CNTNAP2: variants seen among roughly 807,000 people sequenced by gnomAD.
CNTNAP2 encodes contactin-associated protein-like 2.
A neutral mutation model predicts 155.2 loss-of-function variants in CNTNAP2; 98 were observed. The ratio of observed to expected loss-of-function variants is 0.63; its 90% CI spans 0.54 to 0.75. CNTNAP2 has a LOEUF of 0.75. Ranked by LOEUF, CNTNAP2 falls within the 30% of genes least tolerant of loss-of-function variation. The pLI is 0.00. For missense variants in CNTNAP2, 1,727 were observed against 1,688.1 expected, an observed-to-expected ratio of 1.02 and a Z score of -0.40; for synonymous variants, 651 against 631.2, an observed-to-expected ratio of 1.03 and a Z score of -0.47.
At chr7:148,372,179 G>A (rs1212536299) in intron 21 of CNTNAP2, among the ~76,000 whole-genome samples, 2 of 151,622 alleles carry the variant, frequency 1.3e-5, no homozygotes, top group African/African-American at 4.9e-5. Flanking sequence ...TCCAGCCTGG[G>A]GACAGAACAA....
At chr7:147,943,370 AC>A (rs1265363907) in intron 14 of CNTNAP2, among the ~76,000 whole-genome samples, 1 of 152,188 alleles carries the variant, frequency 6.6e-6, no homozygotes, top group Non-Finnish European at 1.5e-5. Flanking sequence ...TTGAATTTAA[AC>A]CAACAATTTT....
chr7:148,078,139 C>T (rs1484968632), intron 15 of CNTNAP2, among the ~76,000 whole-genome samples: 1 of 152,092 alleles, frequency 6.6e-6, no homozygotes, highest in Non-Finnish European at 1.5e-5. Context: ...TCTCAGCTCA[C>T]TGCAACCTCC....
chr7:147,881,677 T>C (rs1799523032), intron 13 of CNTNAP2, among the ~76,000 whole-genome samples: 1 of 152,082 alleles, frequency 6.6e-6, no homozygotes, highest in Non-Finnish European at 1.5e-5. Context: ...TATCTATACA[T>C]AAAGAAAAAG....
intron 16 of CNTNAP2, among the ~76,000 whole-genome samples, chr7:148,131,547 A>G: frequency 6.6e-6 from 1 of 152,246 alleles, no homozygotes; most frequent in Admixed American, 6.5e-5. Context: ...AGAAGAAATC[A>G]AAGAAGTTTG....
At chr7:146,363,473 C>G (rs1197575981) in intron 1 of CNTNAP2, among the ~76,000 whole-genome samples, 1 of 152,088 alleles carries the variant, frequency 6.6e-6, no homozygotes, top group Non-Finnish European at 1.5e-5. Context: ...GGACTGAGCT[C>G]TAAGTGACTC....
chr7:147,009,859 T>C (rs1295123897), intron 3 of CNTNAP2, among the ~76,000 whole-genome samples: 1 of 152,138 alleles, frequency 6.6e-6, no homozygotes, highest in African/African-American at 2.4e-5. Context: ...CTACACAGTT[T>C]TCACAGTTAT....
intron 3 of CNTNAP2, among the ~76,000 whole-genome samples, chr7:146,879,936 T>A (rs192897940): frequency 3.9e-4 from 59 of 152,104 alleles, no homozygotes; most frequent in African/African-American, 1.4e-3. Flanking sequence ...TCTTACATGG[T>A]GGCAGACAAG....
At chr7:146,373,813 T>A (rs1490985764) in intron 1 of CNTNAP2, among the ~76,000 whole-genome samples, 1 of 152,096 alleles carries the variant, frequency 6.6e-6, no homozygotes, top group African/African-American at 2.4e-5. Flanking sequence ...AAATAAAAGG[T>A]CATATACACG....
intron 4 of CNTNAP2, among the ~76,000 whole-genome samples, chr7:147,048,476 T>A (rs1403292885): frequency 6.6e-6 from 1 of 152,154 alleles, no homozygotes; most frequent in African/African-American, 2.4e-5. Context: ...TCTGTTATTT[T>A]AAGCCACTAA....
At chr7:147,441,838 TCTCTCTCTCTCTCC>T (rs1277377890) in intron 10 of CNTNAP2, among the ~76,000 whole-genome samples, 63 of 147,036 alleles carry the variant, frequency 4.3e-4, no homozygotes, top group African/African-American at 7.6e-4. Flanking sequence ...TCTCTCTCTC[TCTCTCTCTCTCTCC>T]CTCCCTCCCT....
intron 9 of CNTNAP2, among the ~76,000 whole-genome samples, chr7:147,309,231 GTACTTGGT>G (rs1795081952): frequency 6.6e-6 from 1 of 152,094 alleles, no homozygotes; most frequent in Non-Finnish European, 1.5e-5. Flanking sequence ...TAATGCTAAA[GTACTTGGT>G]TACCCTATCT....
Position 148,175,520 on chromosome 7 carries a change from C to G in CNTNAP2, c.3010+3042C>G. 1.3e-5 allele frequency among the ~76,000 whole-genome samples: 2 copies of G among 152,076 alleles called. 1 individual carries two copies. On this transcript the variant is annotated intron_variant, in intron 18 of 23. Coordinates refer to ENST00000361727, the MANE Select transcript of CNTNAP2 (RefSeq NM_014141.6). ...ATTTAACAATGCATTTGTTAAATCT[C>G]AATACATTTAGCAGAACTCATTTTC... is the stretch of plus-strand genomic sequence containing the variant.
chr7:146,226,732 G>A (rs1371799197), intron 1 of CNTNAP2, among the ~76,000 whole-genome samples: 1 of 152,084 alleles, frequency 6.6e-6, no homozygotes, highest in Non-Finnish European at 1.5e-5. Flanking sequence ...TGAATGGTAG[G>A]TTGAGAGATG....
At chr7:147,352,055 G>A (rs544976849) in intron 9 of CNTNAP2, among the ~76,000 whole-genome samples, 4 of 152,000 alleles carry the variant, frequency 2.6e-5, no homozygotes, top group African/African-American at 9.6e-5. Flanking sequence ...TGAATAAATA[G>A]CATCAGCTAA....
intron 8 of CNTNAP2, among the ~76,000 whole-genome samples, chr7:147,137,896 GA>G (rs1395410817): frequency 7.7e-6 from 1 of 129,796 alleles, no homozygotes; most frequent in Admixed American, 8.1e-5. Context: ...TAGATAGATA[GA>G]TAGATAGATA....
intron 10 of CNTNAP2, among the ~76,000 whole-genome samples, chr7:147,409,111 T>C (rs1487806994): frequency 1.3e-5 from 2 of 152,228 alleles, no homozygotes; most frequent in South Asian, 2.1e-4. Context: ...ACTATTTGTT[T>C]AGTAGTGGGT....
intron 1 of CNTNAP2, among the ~76,000 whole-genome samples, chr7:146,141,385 T>C (rs900151135): frequency 1.3e-5 from 2 of 152,134 alleles, no homozygotes; most frequent in African/African-American, 2.4e-5. Flanking sequence ...TGTGTGTAGA[T>C]AGACTGTATT....
intron 11 of CNTNAP2, among the ~76,000 whole-genome samples, chr7:147,552,664 A>T (rs1799874976): frequency 6.6e-6 from 1 of 151,994 alleles, no homozygotes; most frequent in Admixed American, 6.6e-5. Context: ...AGTGAATCAC[A>T]TCCCTCACTT....
chr7:146,628,868 T>A lies in CNTNAP2; in HGVS notation c.98-145403T>A, dbSNP rs183141491. Among the ~76,000 whole-genome samples, 5 of 152,208 alleles carry A rather than the reference T, an allele frequency of 3.3e-5. No individual in the cohort carries two copies. In the East Asian group the frequency reaches 9.7e-4, roughly 29 times the overall value. On this transcript the variant is annotated intron_variant, in intron 1 of 23. Coordinates refer to ENST00000361727, the MANE Select transcript of CNTNAP2 (RefSeq NM_014141.6). ...TGAACCATATTTTGCCCACATTACT[T>A]GACGGTTATTCTTTATGAATTAATA...
Sources: allele counts gnomAD v4.1 joint callset (sites outside exome capture counted in the v4.1 genomes callset), GRCh38; gene constraint gnomAD v4.1.1; transcripts MANE v1.5; gene names NCBI Gene and HGNC (gene_info 2026-07-23, HGNC 2026-07-21).